Variants in CRPPA observed in about 807,000 individuals in gnomAD.
The protein encoded by CRPPA is CDP-L-ribitol pyrophosphorylase A, also known as D-ribitol-5-phosphate cytidylyltransferase.
In CRPPA, 43 loss-of-function variants were observed where a neutral mutation model predicts 52.0. The ratio of observed to expected loss-of-function variants is 0.83; its 90% CI spans 0.65 to 1.07. The LOEUF (loss-of-function observed/expected upper bound fraction) is 1.07, where lower values mean the gene tolerates loss of function less well. CRPPA is among the 50% of genes least tolerant of loss of function. The pLI is 0.00. For missense variants in CRPPA, 629 were observed against 551.7 expected, an observed-to-expected ratio of 1.14 and a Z score of -1.40; for synonymous variants, 250 against 203.5, an observed-to-expected ratio of 1.23 and a Z score of -1.94.
intron 4 of CRPPA, among the ~76,000 whole-genome samples, chr7:16,302,377 A>G (rs1449923283): frequency 6.6e-6 from 1 of 151,540 alleles, no homozygotes; most frequent in South Asian, 2.1e-4. Context: ...CCAACATGGC[A>G]TGTGTCTGTC....
rs1460130406 is a variant in CRPPA at position 16,088,637 on chromosome 7, C to T, written c.*3058G>A. The T allele has an allele frequency of 6.5e-6, 1 of 153,240 alleles. No individual in the cohort carries two copies. Among genetic ancestry groups the T allele is most frequent in the Non-Finnish European group, 1.5e-5 (1 of 68,804 alleles). The allele number at this position is 153,240 out of a possible 1,614,324, so 9.5% of individuals were successfully genotyped here. On this transcript the variant is annotated 3_prime_UTR_variant, in exon 10 of 10. Coordinates refer to ENST00000407010, the MANE Select transcript of CRPPA (RefSeq NM_001101426.4). ...GTTTCACCGCATTAGCCAGGATGGT[C>T]TGGATCTCCTGACCTCGTAATCTGC...
At chr7:16,095,757 A>G (rs984690290) in intron 9 of CRPPA, among the ~76,000 whole-genome samples, 2 of 152,176 alleles carry the variant, frequency 1.3e-5, no homozygotes, top group African/African-American at 4.8e-5. Flanking sequence ...TAACAATTTA[A>G]AGCTGTCAAA....
At chr7:16,110,966 A>G (rs1455574975) in intron 9 of CRPPA, among the ~76,000 whole-genome samples, 1 of 152,158 alleles carries the variant, frequency 6.6e-6, no homozygotes, top group Non-Finnish European at 1.5e-5. Flanking sequence ...AAAGGAAGCA[A>G]CAGTAGGAAG....
intron 9 of CRPPA, among the ~76,000 whole-genome samples, chr7:16,178,930 C>T (rs1425186685): frequency 6.6e-6 from 1 of 151,972 alleles, no homozygotes; most frequent in Non-Finnish European, 1.5e-5. Flanking sequence ...TTGGTTGAGG[C>T]TCTATTTACT....
chr7:16,217,068 T>G (rs572863478), intron 8 of CRPPA, among the ~76,000 whole-genome samples: 47,486 of 147,328 alleles, frequency 0.32, 7,965 homozygotes, highest in Admixed American at 0.4. Flanking sequence ...AGAGCAGTGG[T>G]TCTCCCAGCA....
chr7:16,272,908 C>T (rs1361944268), intron 6 of CRPPA, among the ~76,000 whole-genome samples: 2 of 151,406 alleles, frequency 1.3e-5, no homozygotes, highest in Admixed American at 1.3e-4. Context: ...TATTTTTTTT[C>T]CATTTATATA....
intron 8 of CRPPA, among the ~76,000 whole-genome samples, chr7:16,229,009 C>A (rs1048234978): frequency 4.6e-5 from 7 of 151,928 alleles, no homozygotes; most frequent in Admixed American, 2.6e-4. Flanking sequence ...CACAACTGTC[C>A]TATCTTCTTA....
At position 16,332,290 on chromosome 7, in the gene CRPPA, C is replaced by T. The variant is rs190906739; in HGVS notation, c.685-23663G>A. On this transcript the variant is annotated intron_variant, in intron 3 of 9. Coordinates refer to ENST00000407010, the MANE Select transcript of CRPPA (RefSeq NM_001101426.4). ...AATTGTTGCCAATAAACCTGCTTTG[C>T]TAGCAATGTTAAAAGGAGCTATTTA... 8.7e-4 allele frequency among the ~76,000 whole-genome samples: 133 copies of T among 152,126 alleles called. 1 individual carries two copies. The South Asian group carries it at 0.027, about 30-fold the overall frequency.
intron 2 of CRPPA, among the ~76,000 whole-genome samples, chr7:16,380,481 G>T (rs2128312955): frequency 6.6e-6 from 1 of 152,234 alleles, no homozygotes; most frequent in African/African-American, 2.4e-5. Flanking sequence ...CCCGGCTTTG[G>T]TATCAGAATG....
intron 2 of CRPPA, among the ~76,000 whole-genome samples, chr7:16,396,616 T>G (rs567995090): frequency 2.0e-5 from 3 of 152,376 alleles, no homozygotes; most frequent in Non-Finnish European, 2.9e-5. Context: ...AAAAAGATAC[T>G]TACACATGCA....
rs1554309941 is a variant in CRPPA, at chr7:16,286,097, A to ATATATATAT, written c.836-7872_836-7871insATATATATA. 2.9e-3 allele frequency among the ~76,000 whole-genome samples: 113 copies of ATATATATAT among 39,104 alleles called. 10 individuals are homozygous for ATATATATAT. Among genetic ancestry groups the ATATATATAT allele is most frequent in the African/African-American group, 4.2e-3 (23 of 5,450 alleles). The allele number at this position is 39,104 out of a possible 152,430, so 25.7% of individuals were successfully genotyped here. A position where few individuals can be genotyped will look rare whatever the true frequency, so the allele number is the denominator to read the frequency against. The stretch of plus-strand genomic sequence containing the variant: ...TATATATATAATATTTAAAAAAAAA[A>ATATATATAT]ATATATATATATATATATATGCCAA... On this transcript the variant is annotated intron_variant, in intron 5 of 9. Transcript: ENST00000407010.
At chr7:16,348,696 G>A (rs763075159) in intron 3 of CRPPA, among the ~76,000 whole-genome samples, 1 of 151,254 alleles carries the variant, frequency 6.6e-6, no homozygotes, top group Non-Finnish European at 1.5e-5. Context: ...CTGGCTTCTA[G>A]TCCACTTGCA....
intron 9 of CRPPA, among the ~76,000 whole-genome samples, chr7:16,149,962 G>A (rs1783045476): frequency 6.6e-6 from 1 of 151,244 alleles, no homozygotes; most frequent in South Asian, 2.1e-4. Flanking sequence ...CTCCAGCCTG[G>A]GTGACACAGC....
At chr7:16,164,155 C>T (rs1408291311) in intron 9 of CRPPA, among the ~76,000 whole-genome samples, 2 of 152,162 alleles carry the variant, frequency 1.3e-5, no homozygotes, top group African/African-American at 4.8e-5. Flanking sequence ...CAATCAAATG[C>T]AGCTTTGATG....
chr7:16,097,896 A>G (rs925157526), intron 9 of CRPPA, among the ~76,000 whole-genome samples: 11 of 152,240 alleles, frequency 7.2e-5, no homozygotes, highest in Non-Finnish European at 1.2e-4. Flanking sequence ...GCACCTTGCA[A>G]GTGTATAAGT....
At chr7:16,102,091 A>T (rs1175286318) in intron 9 of CRPPA, among the ~76,000 whole-genome samples, 1 of 152,188 alleles carries the variant, frequency 6.6e-6, no homozygotes, top group African/African-American at 2.4e-5. Flanking sequence ...ACAGCATGGT[A>T]CTGGTACCAA....
At chr7:16,271,066 G>A (rs766213192) in intron 6 of CRPPA, among the ~76,000 whole-genome samples, 2 of 151,800 alleles carry the variant, frequency 1.3e-5, no homozygotes, top group African/African-American at 2.4e-5. Flanking sequence ...TGCTTTACAC[G>A]TGATTTTCAG....
At chr7:16,141,796 T>C (rs1782877970) in intron 9 of CRPPA, among the ~76,000 whole-genome samples, 1 of 152,226 alleles carries the variant, frequency 6.6e-6, no homozygotes, top group African/African-American at 2.4e-5. Context: ...ATTCTTTTTC[T>C]GGCTTAAAGA....
intron 9 of CRPPA, among the ~76,000 whole-genome samples, chr7:16,148,001 T>A (rs1783006284): frequency 6.6e-6 from 1 of 152,182 alleles, no homozygotes; most frequent in Non-Finnish European, 1.5e-5. Context: ...TATTTCTTAA[T>A]CACCTCAAAC....
Sources: gnomAD v4.1 joint callset for allele counts (sites outside exome capture counted in the v4.1 genomes callset) on GRCh38, gnomAD v4.1.1 for gene constraint, MANE v1.5 for transcripts, NCBI Gene and HGNC (gene_info 2026-07-23, HGNC 2026-07-21) for gene names.